Variants in ALX4 observed in about 807,000 individuals in gnomAD.
ALX4 encodes homeobox protein aristaless-like 4.
ALX4 carries 22 observed loss-of-function variants against 40.6 expected under a neutral mutation model. The observed-to-expected ratio is 0.54, with a 90% CI of 0.39 to 0.77. The LOEUF is 0.77. ALX4 is among the 30% of genes least tolerant of loss of function. ALX4 has a pLI of 0.00. For missense variants in ALX4, 556 were observed against 564.8 expected (o/e 0.98, Z 0.16); for synonymous variants, 266 against 240.5 (o/e 1.11, Z -0.98).
At chr11:44,278,079 C>T (rs868864629) in intron 1 of ALX4, among the ~76,000 whole-genome samples, 1 of 151,412 alleles carries the variant, frequency 6.6e-6, no homozygotes, top group South Asian at 2.1e-4. Context: ...TTTGCAACTT[C>T]CTGGAAGCCA....
At chr11:44,300,399 G>A (rs1956428262) in intron 1 of ALX4, among the ~76,000 whole-genome samples, 1 of 152,196 alleles carries the variant, frequency 6.6e-6, no homozygotes, top group East Asian at 1.9e-4. Flanking sequence ...AGCTGGAGTT[G>A]TCCCATCTCC....
chr11:44,280,969 G>A (rs1956306837), intron 1 of ALX4, among the ~76,000 whole-genome samples: 1 of 152,232 alleles, frequency 6.6e-6, no homozygotes, highest in Admixed American at 6.5e-5. Context: ...AGAAATGCAT[G>A]AAGTGGAAAG....
chr11:44,283,875 T>C (rs192758971), intron 1 of ALX4, among the ~76,000 whole-genome samples: 176 of 152,274 alleles, frequency 1.2e-3, no homozygotes, highest in African/African-American at 4.1e-3. Flanking sequence ...AGGTATTTAT[T>C]TGTTCTTCTG....
chr11:44,309,213 CGCAGCCCCGCAGCCCA>C (rs1222471954), intron 1 of ALX4, among the ~76,000 whole-genome samples: 1 of 150,946 alleles, frequency 6.6e-6, no homozygotes, highest in Non-Finnish European at 1.5e-5. Context: ...CCCGCAGCCC[CGCAGCCCCGCAGCCCA>C]GCGCCAGAGC....
At chr11:44,279,320 C>T (rs554368641) in intron 1 of ALX4, among the ~76,000 whole-genome samples, 2 of 152,324 alleles carry the variant, frequency 1.3e-5, no homozygotes, top group East Asian at 1.9e-4. Context: ...TCTGAGTCTC[C>T]CTTCCTTCTG....
chr11:44,294,566 G>C (rs149025419), intron 1 of ALX4, among the ~76,000 whole-genome samples: 4 of 152,142 alleles, frequency 2.6e-5, no homozygotes, highest in Non-Finnish European at 4.4e-5. Context: ...GCCTGCCCCC[G>C]CTGCGTTAGG....
At chr11:44,300,977 G>T (rs1045793689) in intron 1 of ALX4, among the ~76,000 whole-genome samples, 3 of 152,234 alleles carry the variant, frequency 2.0e-5, no homozygotes, top group Non-Finnish European at 4.4e-5. Context: ...TCTCCTCAGA[G>T]CCTGAGTCAG....
intron 1 of ALX4, among the ~76,000 whole-genome samples, chr11:44,300,833 C>A (rs1160985413): frequency 1.3e-5 from 2 of 152,216 alleles, no homozygotes; most frequent in Non-Finnish European, 2.9e-5. Context: ...GATTTCCAGC[C>A]ACTAGAGAAA....
chr11:44,266,591 C>T (rs1362068245), intron 3 of ALX4, among the ~76,000 whole-genome samples: 1 of 152,162 alleles, frequency 6.6e-6, no homozygotes, highest in Non-Finnish European at 1.5e-5. Flanking sequence ...GGCAGGGGCG[C>T]CCGTGCTACT....
Position 44,271,163 on chromosome 11 carries a change from C to A in ALX4, c.778-3541G>T, listed in dbSNP as rs11826386. Among the ~76,000 whole-genome samples, 42 of 152,124 alleles carry A rather than the reference C, an allele frequency of 2.8e-4. 1 individual carries two copies. Among genetic ancestry groups the A allele is most frequent in the South Asian group, 1.5e-3 (7 of 4,822 alleles). Reference sequence around the variant, plus strand: ...GTTCCATCACCACCCCCTTACCCCCCCAGGGCACTGCCAGGCTTAGGGCTC... The same window carrying A: ...GTTCCATCACCACCCCCTTACCCCCACAGGGCACTGCCAGGCTTAGGGCTC... On this transcript the variant is annotated intron_variant, in intron 2 of 3. Coordinates refer to ENST00000652299, the MANE Select transcript of ALX4 (RefSeq NM_021926.4).
chr11:44,298,281 A>C (rs1371602117), intron 1 of ALX4, among the ~76,000 whole-genome samples: 1 of 152,156 alleles, frequency 6.6e-6, no homozygotes, highest in African/African-American at 2.4e-5. Context: ...CTCAGATTGC[A>C]TATGCCGGGG....
intron 3 of ALX4, among the ~76,000 whole-genome samples, chr11:44,267,097 C>A (rs770155001): frequency 6.6e-6 from 1 of 152,150 alleles, no homozygotes; most frequent in Non-Finnish European, 1.5e-5. Flanking sequence ...ACTCAGAATC[C>A]CAAGCTCATT....
intron 1 of ALX4, among the ~76,000 whole-genome samples, chr11:44,294,020 C>T (rs1430924648): frequency 6.6e-6 from 1 of 152,250 alleles, no homozygotes; most frequent in African/African-American, 2.4e-5. Context: ...CCCCCTCCAC[C>T]GTCTACAGAG....
chr11:44,273,133 A>G (rs917782502), intron 2 of ALX4, among the ~76,000 whole-genome samples: 1 of 150,462 alleles, frequency 6.6e-6, no homozygotes, highest in South Asian at 2.1e-4. Flanking sequence ...GGGTTGGGGC[A>G]TCTCTGTCCT....
intron 1 of ALX4, among the ~76,000 whole-genome samples, chr11:44,294,880 G>A (rs1352678877): frequency 2.0e-5 from 3 of 150,984 alleles, no homozygotes; most frequent in African/African-American, 4.9e-5. Context: ...ACAGAGTTTC[G>A]CTCTTCTTGC....
At chr11:44,295,842 T>C (rs1036302614) in intron 1 of ALX4, among the ~76,000 whole-genome samples, 1 of 152,202 alleles carries the variant, frequency 6.6e-6, no homozygotes, top group Non-Finnish European at 1.5e-5. Context: ...GGCCACGTCC[T>C]CATGGGATGG....
At chr11:44,293,008 A>G (rs1956379094) in intron 1 of ALX4, among the ~76,000 whole-genome samples, 1 of 151,864 alleles carries the variant, frequency 6.6e-6, no homozygotes, top group Non-Finnish European at 1.5e-5. Flanking sequence ...CTGAAGCAGG[A>G]GAACTGCTTG....
At chr11:44,304,830 G>A (rs962021833) in intron 1 of ALX4, among the ~76,000 whole-genome samples, 16 of 152,322 alleles carry the variant, frequency 1.1e-4, no homozygotes, top group African/African-American at 3.8e-4. Context: ...TCTGTAGGGC[G>A]TTTTAATCTG....
At chr11:44,283,527 C>T (rs979133188) in intron 1 of ALX4, among the ~76,000 whole-genome samples, 3 of 152,162 alleles carry the variant, frequency 2.0e-5, no homozygotes, top group African/African-American at 7.2e-5. Flanking sequence ...GATGATATTT[C>T]CATAAATGGA....
Sources: gnomAD v4.1 joint callset for allele counts (sites outside exome capture counted in the v4.1 genomes callset) on GRCh38, gnomAD v4.1.1 for gene constraint, MANE v1.5 for transcripts, NCBI Gene and HGNC (gene_info 2026-07-23, HGNC 2026-07-21) for gene names.